DGKH: variants seen among roughly 807,000 people sequenced by gnomAD.
DGKH encodes DAG kinase eta.
A neutral mutation model predicts 159.3 loss-of-function variants in DGKH; 90 were observed. That is an observed-to-expected ratio of 0.57 (90% CI 0.48 to 0.67). The LOEUF (loss-of-function observed/expected upper bound fraction) is 0.67, where lower values mean the gene tolerates loss of function less well. Among genes scored for constraint, DGKH ranks in the 30% least tolerant of loss-of-function variants. The probability of loss-of-function intolerance (pLI) is 0.00; values close to 1 mark genes in which losing one functional copy is unlikely to be tolerated. For missense variants in DGKH, 1,181 were observed against 1,506.1 expected, an observed-to-expected ratio of 0.78 and a Z score of 3.57; for synonymous variants, 536 against 553.8, an observed-to-expected ratio of 0.97 and a Z score of 0.45.
intron 14 of DGKH, 26 bp from the exon 15 acceptor site, chr13:42,189,010 T>C: frequency 6.3e-7 from 1 of 1,594,178 alleles, no homozygotes; most frequent in Non-Finnish European, 8.6e-7. Flanking sequence ...TTGAGTATTT[T>C]TCTCATTGCC....
intron 1 of DGKH, among the ~76,000 whole-genome samples, chr13:42,100,128 G>T (rs1173957148): frequency 6.6e-6 from 1 of 152,128 alleles, no homozygotes; most frequent in East Asian, 1.9e-4. Flanking sequence ...CCCATTGCTG[G>T]CATTACCACC....
intron 1 of DGKH, among the ~76,000 whole-genome samples, chr13:42,118,802 A>G (rs558126822): frequency 6.6e-6 from 1 of 152,236 alleles, no homozygotes; most frequent in Non-Finnish European, 1.5e-5. Flanking sequence ...TTTATGTAGC[A>G]GGCAGAAGAG....
At chr13:42,162,790 G>A (rs948621768) in intron 7 of DGKH, among the ~76,000 whole-genome samples, 3 of 151,856 alleles carry the variant, frequency 2.0e-5, no homozygotes, top group African/African-American at 7.3e-5. Flanking sequence ...GGCAACAAGA[G>A]TGAAACTCCA....
Position 42,194,870 on chromosome 13 carries a change from A to T in DGKH, c.2036-15A>T, listed in dbSNP as rs1407065965. The T allele has an allele frequency of 6.2e-7, 1 of 1,605,266 alleles. No homozygotes were observed. Among genetic ancestry groups the T allele is most frequent in the Non-Finnish European group, 8.5e-7 (1 of 1,177,528 alleles). On this transcript the variant is annotated splice_polypyrimidine_tract_variant and intron_variant, in intron 16 of 29. Transcript: ENST00000337343. ...TTATCATTATCTCTTTTTAATCTGG[A>T]CTTTTTGCCAACAGTTAAAACTGCA...
intron 3 of DGKH, among the ~76,000 whole-genome samples, chr13:42,134,026 TC>T (rs1955346918): frequency 6.6e-6 from 1 of 152,150 alleles, no homozygotes; most frequent in South Asian, 2.1e-4. Context: ...ATTTCAGCCA[TC>T]CCTCCTCTTG....
At chr13:42,155,480 G>A in intron 4 of DGKH, 85 bp downstream of exon 4, 1 of 1,474,642 alleles carries the variant, frequency 6.8e-7, no homozygotes, top group South Asian at 1.2e-5. Context: ...GCAAACATAA[G>A]TATGTGTACA....
At chr13:42,105,289 G>A (rs1025008961) in intron 1 of DGKH, among the ~76,000 whole-genome samples, 6 of 152,196 alleles carry the variant, frequency 3.9e-5, no homozygotes, top group Non-Finnish European at 2.9e-5. Context: ...GCAAGTGCAC[G>A]AGGGGGTTAA....
chr13:42,194,791 T>A, intron 16 of DGKH, 94 bp from the exon 17 acceptor site: 1 of 1,388,286 alleles, frequency 7.2e-7, no homozygotes, highest in Non-Finnish European at 9.7e-7. Context: ...TACTGATTGA[T>A]TTAAACATTA....
chr13:42,203,305 C>T (rs993590871), intron 20 of DGKH, among the ~76,000 whole-genome samples: 1 of 152,204 alleles, frequency 6.6e-6, no homozygotes, highest in Admixed American at 6.5e-5. Context: ...GTTCAAACAG[C>T]TGATAAGTGG....
intron 26 of DGKH, among the ~76,000 whole-genome samples, chr13:42,215,974 G>T (rs897186818): frequency 6.6e-6 from 1 of 152,152 alleles, no homozygotes; most frequent in African/African-American, 2.4e-5. Flanking sequence ...ACATTCCTTA[G>T]GTACTTATTA....
At chr13:42,073,928 G>C (rs1234126740) in intron 1 of DGKH, among the ~76,000 whole-genome samples, 1 of 152,152 alleles carries the variant, frequency 6.6e-6, no homozygotes, top group Non-Finnish European at 1.5e-5. Context: ...ACTGCACAAT[G>C]GCTTTGGCAT....
Position 42,168,461 on chromosome 13 carries a change from T to G in DGKH, c.1140T>G (p.Phe380Leu), listed in dbSNP as rs748816784. Residue 380 changes from phenylalanine (F) to leucine (L), a missense_variant, in exon 10 of 30, where the codon TTT becomes TTG. This residue lies in a region of DGKH where 369 missense variants were observed against 519.4 expected (regional missense o/e 0.71). Coordinates refer to ENST00000337343, the MANE Select transcript of DGKH (RefSeq NM_178009.5). ...TCAGTTTAAGATTATTTCAGAAGTT[T>G]GACAATTTCCGGATTCTTGTTTGTG... ...PHLGLRLFQK[F>L]DNFRILVCGG... is the part of the protein sequence containing the mutation. 1 of 1,614,114 alleles carries G rather than the reference T, an allele frequency of 6.2e-7. No individual in the cohort carries two copies. The highest frequency in any genetic ancestry group is 1.1e-5 in the South Asian group (1 of 91,066).
At chr13:42,096,124 G>T (rs894431532) in intron 1 of DGKH, among the ~76,000 whole-genome samples, 15 of 151,998 alleles carry the variant, frequency 9.9e-5, no homozygotes, top group African/African-American at 3.4e-4. Flanking sequence ...GTTCAGGGGG[G>T]TCCATGTGCA....
intron 5 of DGKH, among the ~76,000 whole-genome samples, chr13:42,158,634 C>T (rs1175503961): frequency 6.6e-6 from 1 of 152,006 alleles, no homozygotes; most frequent in Non-Finnish European, 1.5e-5. Context: ...TTCATCATCC[C>T]TTCTTTCTAC....
rs774402823 is a variant in DGKH, at chr13:42,206,979, CTTTCTT to C, written c.2601+835_2601+840del. Among the ~76,000 whole-genome samples, 95 of 87,196 alleles carry C rather than the reference CTTTCTT, an allele frequency of 1.1e-3. 2 individuals carry two copies. The highest frequency in any genetic ancestry group is 5.5e-3 in the South Asian group (13 of 2,358). The allele number at this position is 87,196 out of a possible 152,430, so 57.2% of individuals were successfully genotyped here. ...ATACCTTTTGGTACTTTTACTTTTT[CTTTCTT>C]TCTTTCTTTCTTTCTTTCTTTCTTT... On this transcript the variant is annotated intron_variant, in intron 21 of 29. Coordinates refer to ENST00000337343, the MANE Select transcript of DGKH (RefSeq NM_178009.5).
At chr13:42,165,184 T>G in intron 7 of DGKH, 147 bp from the exon 8 acceptor site, 2 of 434,402 alleles carry the variant, frequency 4.6e-6, no homozygotes, top group Middle Eastern at 1.2e-3. Context: ...TTTCCTGAAG[T>G]ATAAATGTTA....
intron 1 of DGKH, among the ~76,000 whole-genome samples, chr13:42,098,411 C>T (rs567308763): frequency 4.6e-5 from 7 of 151,926 alleles, no homozygotes; most frequent in Admixed American, 1.3e-4. Context: ...GACTTGAACT[C>T]GGGATGCAGA....
In DGKH at chr13:42,229,429, A is replaced by G; in HGVS notation, c.*241A>G. On this transcript the variant is annotated 3_prime_UTR_variant, in exon 30 of 30. Coordinates refer to ENST00000337343, the MANE Select transcript of DGKH (RefSeq NM_178009.5). ...GTGCAAACCTGACATGTTCAAATATATTCACAATGGTAATAAGGTAGGAGG... is the reference window on the plus strand; with the variant it reads ...GTGCAAACCTGACATGTTCAAATATGTTCACAATGGTAATAAGGTAGGAGG... 4.8e-6 allele frequency: 2 copies of G among 418,710 alleles called. No homozygotes were observed. Among genetic ancestry groups the G allele is most frequent in the South Asian group, 5.8e-5 (2 of 34,334 alleles). 25.9% of individuals were successfully genotyped at this position (418,710 alleles called of 1,614,324 possible).
chr13:42,139,411 G>A (rs1955482240), intron 3 of DGKH, among the ~76,000 whole-genome samples: 1 of 152,228 alleles, frequency 6.6e-6, no homozygotes, highest in Non-Finnish European at 1.5e-5. Context: ...GTCCGAGGTG[G>A]TTAATAGACA....
Sources: gnomAD v4.1 joint callset for allele counts (sites outside exome capture counted in the v4.1 genomes callset) on GRCh38, gnomAD v4.1.1 for gene constraint, gnomAD v4.1.1 regional missense constraint, MANE v1.5 for transcripts, NCBI Gene and HGNC (gene_info 2026-07-23, HGNC 2026-07-21) for gene names.